The following PRKCB variants were observed in gnomAD, a reference collection of about 807,000 sequenced individuals.
The protein encoded by PRKCB is protein kinase C beta type.
Under a neutral mutation model 81.5 loss-of-function variants are expected in PRKCB, and 13 were observed. The ratio of observed to expected loss-of-function variants is 0.16; its 90% CI spans 0.10 to 0.25. The LOEUF is 0.25. PRKCB is among the 10% of genes least tolerant of loss of function. The pLI, the probability that PRKCB is intolerant of heterozygous loss-of-function variation, is 1.00. For missense variants in PRKCB, 509 were observed against 875.7 expected, an observed-to-expected ratio of 0.58 and a Z score of 5.29; for synonymous variants, 335 against 321.4, an observed-to-expected ratio of 1.04 and a Z score of -0.45.
chr16:23,949,212 C>T lies in PRKCB; in HGVS notation c.206-39296C>T, dbSNP rs541023516. ...AGAAAGAAAGAAAAGAAAGAACGAACAAACAAAAGAAAGAAAGAACGAACG... is the reference window on the plus strand; with the variant it reads ...AGAAAGAAAGAAAAGAAAGAACGAATAAACAAAAGAAAGAAAGAACGAACG... On this transcript the variant is annotated intron_variant, in intron 2 of 16. Coordinates refer to ENST00000643927, the MANE Select transcript of PRKCB (RefSeq NM_002738.7). 5.4e-4 allele frequency among the ~76,000 whole-genome samples: 82 copies of T among 152,158 alleles called. 2 individuals carry two copies. The South Asian group carries it at 0.016, about 30-fold the overall frequency.
chr16:23,852,294 C>T (rs1043939185), intron 2 of PRKCB, among the ~76,000 whole-genome samples: 4 of 152,052 alleles, frequency 2.6e-5, no homozygotes, highest in Non-Finnish European at 5.9e-5. Context: ...TTCCTTTATA[C>T]CTTATTGCTG....
chr16:23,875,564 TGTGTATATCAAACAC>T (rs1467703347), intron 2 of PRKCB, among the ~76,000 whole-genome samples: 1 of 42,976 alleles, frequency 2.3e-5, no homozygotes, highest in Non-Finnish European at 4.8e-5. Context: ...ATCACACACA[TGTGTATATCAAACAC>T]ATATGTATAT....
intron 3 of PRKCB, among the ~76,000 whole-genome samples, chr16:23,999,388 T>G (rs1042510447): frequency 6.6e-6 from 1 of 152,266 alleles, no homozygotes; most frequent in Non-Finnish European, 1.5e-5. Context: ...TAGAGCTTTG[T>G]GCTGTTGGCA....
chr16:24,041,537 T>TA (rs1305158207), intron 5 of PRKCB, among the ~76,000 whole-genome samples: 1 of 151,886 alleles, frequency 6.6e-6, no homozygotes, highest in African/African-American at 2.4e-5. Context: ...TTTTTTTTTT[T>TA]AAATGTTTCT....
In PRKCB at chr16:24,093,078, A is replaced by G. The variant is rs569484350; in HGVS notation, c.686+131A>G. On this transcript the variant is annotated intron_variant, in intron 6 of 16. Coordinates refer to ENST00000643927, the MANE Select transcript of PRKCB (RefSeq NM_002738.7). ...ACCTCCCTCCTTTTCTGTCTTCTCC[A>G]TCCCTCACTCCTATCTTTCCCTCCC... The G allele has an allele frequency of 2.8e-5, 27 of 975,578 alleles. No individual in the cohort carries two copies. The African/African-American group carries it at 3.5e-4, about 12-fold the overall frequency. 60.4% of individuals were successfully genotyped at this position (975,578 alleles called of 1,614,324 possible).
rs1967611241 is a variant in PRKCB at position 24,180,944 on chromosome 16, C to T, written c.1533+16C>T. 10 of 1,612,552 alleles carry T rather than the reference C, an allele frequency of 6.2e-6. No individual in the cohort carries two copies. Among genetic ancestry groups the T allele is most frequent in the Non-Finnish European group, 8.5e-6 (10 of 1,179,080 alleles). ...CGCCCCCGAGGTGAGAGCTGCTGGGCACACGTTCACATTGCGGTGATGTAC... is the reference window on the plus strand; with the variant it reads ...CGCCCCCGAGGTGAGAGCTGCTGGGTACACGTTCACATTGCGGTGATGTAC... On this transcript the variant is annotated intron_variant, in intron 13 of 16. Coordinates refer to ENST00000643927, the MANE Select transcript of PRKCB (RefSeq NM_002738.7).
intron 10 of PRKCB, among the ~76,000 whole-genome samples, chr16:24,171,029 A>G (rs1967432975): frequency 6.6e-6 from 1 of 152,212 alleles, no homozygotes; most frequent in Non-Finnish European, 1.5e-5. Context: ...TTGATAATTC[A>G]TCTTTTTGTT....
chr16:23,855,043 C>G (rs1053033525), intron 2 of PRKCB, among the ~76,000 whole-genome samples: 1 of 151,748 alleles, frequency 6.6e-6, no homozygotes, highest in African/African-American at 2.4e-5. Flanking sequence ...ATACTGCCAT[C>G]AAATACTACC....
At chr16:23,909,273 A>G (rs1963614576) in intron 2 of PRKCB, among the ~76,000 whole-genome samples, 1 of 152,146 alleles carries the variant, frequency 6.6e-6, no homozygotes, top group African/African-American at 2.4e-5. Flanking sequence ...ACATTCCTCT[A>G]TCACAAGTGC....
intron 2 of PRKCB, among the ~76,000 whole-genome samples, chr16:23,909,097 C>CA (rs1158380209): frequency 1.3e-5 from 2 of 152,232 alleles, no homozygotes; most frequent in African/African-American, 4.8e-5. Flanking sequence ...ATCTGTACTG[C>CA]AAACCTGATA....
At chr16:24,008,752 G>A (rs186094972) in intron 3 of PRKCB, among the ~76,000 whole-genome samples, 1 of 152,170 alleles carries the variant, frequency 6.6e-6, no homozygotes, top group East Asian at 1.9e-4. Context: ...AGTGTAAAAT[G>A]CATCATTGTT....
At chr16:24,190,874 A>G (rs1967781538) in intron 15 of PRKCB, among the ~76,000 whole-genome samples, 1 of 152,088 alleles carries the variant, frequency 6.6e-6, no homozygotes, top group Admixed American at 6.6e-5. Context: ...GTTTTGATTA[A>G]CCATAACAGA....
chr16:24,061,545 G>C (rs1443768706), intron 5 of PRKCB, among the ~76,000 whole-genome samples: 1 of 152,150 alleles, frequency 6.6e-6, no homozygotes, highest in East Asian at 1.9e-4. Context: ...TCTTCCACGA[G>C]CTATTTCCAG....
At chr16:23,946,395 C>T (rs62029562) in intron 2 of PRKCB, among the ~76,000 whole-genome samples, 23 of 152,150 alleles carry the variant, frequency 1.5e-4, no homozygotes, top group African/African-American at 5.6e-4. Context: ...ATGACAGATG[C>T]CGGTACCTTG....
intron 2 of PRKCB, among the ~76,000 whole-genome samples, chr16:23,927,800 A>T (rs1963917145): frequency 6.6e-6 from 1 of 152,084 alleles, no homozygotes; most frequent in South Asian, 2.1e-4. Context: ...TTTGACAGAG[A>T]TAGAACCATG....
intron 2 of PRKCB, among the ~76,000 whole-genome samples, chr16:23,950,145 T>TTTG (rs1567323533): frequency 2.1e-5 from 3 of 145,848 alleles, no homozygotes; most frequent in African/African-American, 5.0e-5. Flanking sequence ...TTTTTTTTTT[T>TTTG]TTTTTTTTTT....
At chr16:23,898,217 C>A (rs11643715) in intron 2 of PRKCB, among the ~76,000 whole-genome samples, 1 of 152,048 alleles carries the variant, frequency 6.6e-6, no homozygotes, top group South Asian at 2.1e-4. Context: ...AGGCGCCCAC[C>A]ACCACACCTC....
intron 3 of PRKCB, among the ~76,000 whole-genome samples, chr16:24,000,310 C>T (rs1425667709): frequency 6.6e-6 from 1 of 152,168 alleles, no homozygotes; most frequent in Admixed American, 6.5e-5. Context: ...AAAGAATGCA[C>T]CTAATTTATT....
At chr16:23,948,903 T>C (rs2141776514) in intron 2 of PRKCB, among the ~76,000 whole-genome samples, 1 of 152,022 alleles carries the variant, frequency 6.6e-6, no homozygotes, top group East Asian at 1.9e-4. Context: ...TGTCAGAGAT[T>C]TGTGGGTGTG....
Sources: gnomAD v4.1 joint callset for allele counts (sites outside exome capture counted in the v4.1 genomes callset) on GRCh38, gnomAD v4.1.1 for gene constraint, MANE v1.5 for transcripts, NCBI Gene and HGNC (gene_info 2026-07-23, HGNC 2026-07-21) for gene names.